Variants in VTI1A observed in about 807,000 individuals in gnomAD.
VTI1A encodes the protein vesicle transport through interaction with t-SNAREs 1A.
A neutral mutation model predicts 34.9 loss-of-function variants in VTI1A; 22 were observed. That is an observed-to-expected ratio of 0.63 (90% CI 0.45 to 0.90). The LOEUF (loss-of-function observed/expected upper bound fraction) is 0.90, where lower values mean the gene tolerates loss of function less well. Among genes scored for constraint, VTI1A ranks in the 40% least tolerant of loss-of-function variants. The probability of loss-of-function intolerance (pLI) is 0.00; values close to 1 mark genes in which losing one functional copy is unlikely to be tolerated. For missense variants in VTI1A, 268 were observed against 275.6 expected (o/e 0.97, Z 0.20); for synonymous variants, 87 against 97.3 (o/e 0.89, Z 0.62).
At chr10:112,520,647 GTA>G (rs35437904) in intron 3 of VTI1A, among the ~76,000 whole-genome samples, 28,790 of 128,314 alleles carry the variant, frequency 0.22, 3,157 homozygotes, top group East Asian at 0.45. Context: ...GTGTGTGTGT[GTA>G]TATATATATA....
chr10:112,559,264 G>A (rs1208161841), intron 5 of VTI1A, among the ~76,000 whole-genome samples: 1 of 152,190 alleles, frequency 6.6e-6, no homozygotes, highest in Non-Finnish European at 1.5e-5. Context: ...CCGTTGTAAA[G>A]AGCAGAGATA....
chr10:112,499,176 A>G (rs1183417403), intron 3 of VTI1A, among the ~76,000 whole-genome samples: 12 of 152,178 alleles, frequency 7.9e-5, no homozygotes, highest in Admixed American at 7.9e-4. Flanking sequence ...ATTGCTTGCA[A>G]TACTATGATA....
rs143639100 is a variant in VTI1A, at chr10:112,814,468, C to T, written c.561-822C>T. 2.8e-3 allele frequency among the ~76,000 whole-genome samples: 425 copies of T among 152,246 alleles called. 1 individual carries two copies. Among genetic ancestry groups the T allele is most frequent in the Middle Eastern group, 0.024 (7 of 294 alleles). ...ATTCTGATGTTCGACCTCTTTTCTC[C>T]GAATGAGGTAACAAATTATGAAACA... is the stretch of plus-strand genomic sequence containing the variant. On this transcript the variant is annotated intron_variant, in intron 7 of 7. Coordinates refer to ENST00000393077, the MANE Select transcript of VTI1A (RefSeq NM_145206.4).
intron 3 of VTI1A, among the ~76,000 whole-genome samples, chr10:112,465,295 T>G (rs935836052): frequency 6.7e-6 from 1 of 150,126 alleles, no homozygotes; most frequent in Non-Finnish European, 1.5e-5. Context: ...AATGTTAAAG[T>G]TGTTAGTAAT....
chr10:112,465,907 A>G (rs1417146073), intron 3 of VTI1A, among the ~76,000 whole-genome samples: 1 of 152,240 alleles, frequency 6.6e-6, no homozygotes, highest in East Asian at 1.9e-4. Flanking sequence ...ATACAGATAA[A>G]AAGTATTTTA....
intron 4 of VTI1A, among the ~76,000 whole-genome samples, chr10:112,534,416 T>C (rs113487501): frequency 5.9e-5 from 9 of 152,290 alleles, no homozygotes; most frequent in Non-Finnish European, 1.3e-4. Flanking sequence ...ATTTAAAAAT[T>C]GTCTAATTGC....
chr10:112,732,687 G>A (rs765482453), intron 7 of VTI1A, among the ~76,000 whole-genome samples: 9 of 152,172 alleles, frequency 5.9e-5, no homozygotes, highest in Non-Finnish European at 7.3e-5. Context: ...CACACTGTGT[G>A]TGGCCTTTAC....
chr10:112,447,445 G>C lies in VTI1A; in HGVS notation c.72G>C (p.Ala24=). 1 of 1,613,634 alleles carries C rather than the reference G, an allele frequency of 6.2e-7. No individual in the cohort carries two copies. The highest frequency in any genetic ancestry group is 1.3e-5 in the African/African-American group (1 of 75,036). The part of the protein sequence containing the change: ...VLTAEITSKI[A]RVPRLPPDEK... ...CTGCAGAGATCACCAGCAAGATTGC[G>C]AGGGTCCCACGACTCCCGCCTGGTG... The change falls in exon 1 of 8, where the codon GCG becomes GCC. Residue 24 remains alanine (A), a synonymous_variant. Coordinates refer to ENST00000393077, the MANE Select transcript of VTI1A (RefSeq NM_145206.4).
intron 3 of VTI1A, among the ~76,000 whole-genome samples, chr10:112,470,425 T>A (rs1019762518): frequency 1.3e-5 from 2 of 152,158 alleles, no homozygotes; most frequent in Admixed American, 1.3e-4. Flanking sequence ...TTTTATACTG[T>A]AGTGCAGAAA....
chr10:112,674,710 A>G (rs962595250), intron 7 of VTI1A, among the ~76,000 whole-genome samples: 2 of 152,192 alleles, frequency 1.3e-5, no homozygotes, highest in South Asian at 2.1e-4. Flanking sequence ...AGGCATCACT[A>G]TCCCCCTTTT....
intron 5 of VTI1A, among the ~76,000 whole-genome samples, chr10:112,569,765 A>G (rs532763403): frequency 5.3e-5 from 8 of 152,352 alleles, no homozygotes; most frequent in African/African-American, 1.7e-4. Flanking sequence ...CTGGGTGCCA[A>G]TGATAATCGA....
intron 7 of VTI1A, among the ~76,000 whole-genome samples, chr10:112,716,518 G>A (rs1480661953): frequency 1.3e-5 from 2 of 152,146 alleles, no homozygotes; most frequent in South Asian, 2.1e-4. Flanking sequence ...CCTGGAGTTG[G>A]TGATACCTGG....
At chr10:112,701,320 C>G (rs908467123) in intron 7 of VTI1A, among the ~76,000 whole-genome samples, 1 of 152,172 alleles carries the variant, frequency 6.6e-6, no homozygotes, top group Non-Finnish European at 1.5e-5. Flanking sequence ...GGATGCCTGA[C>G]TTGTGGATGT....
At chr10:112,803,320 G>A (rs1301268421) in intron 7 of VTI1A, among the ~76,000 whole-genome samples, 2 of 152,282 alleles carry the variant, frequency 1.3e-5, no homozygotes, top group East Asian at 3.9e-4. Context: ...CACCCGCCTT[G>A]GCCTCCCAAA....
rs574276978 is a variant in VTI1A, at chr10:112,553,264, C to G, written c.427+14934C>G. Among the ~76,000 whole-genome samples the G allele has an allele frequency of 1.5e-4, 23 of 152,350 alleles. No individual in the cohort carries two copies. In the East Asian group the frequency reaches 4.2e-3, roughly 28 times the overall value. ...CTGGAGCTTTGCTACGAGACAGACT[C>G]AGGTTCAAATCTTGGTCCTGCCACT... On this transcript the variant is annotated intron_variant, in intron 5 of 7. Coordinates refer to ENST00000393077, the MANE Select transcript of VTI1A (RefSeq NM_145206.4).
intron 6 of VTI1A, among the ~76,000 whole-genome samples, 167 bp downstream of exon 6, chr10:112,668,455 A>G (rs530594622): frequency 4.6e-5 from 7 of 152,274 alleles, no homozygotes; most frequent in African/African-American, 1.7e-4. Flanking sequence ...AGCAAATAGC[A>G]GCTGACTCTA....
At chr10:112,810,790 C>T (rs1246490177) in intron 7 of VTI1A, among the ~76,000 whole-genome samples, 2 of 152,200 alleles carry the variant, frequency 1.3e-5, no homozygotes, top group African/African-American at 4.8e-5. Context: ...AAGCGGATGC[C>T]TGGCTAGGCC....
chr10:112,819,688 T>C (rs1853616399), downstream of VTI1A, among the ~76,000 whole-genome samples: 1 of 152,148 alleles, frequency 6.6e-6, no homozygotes, highest in Non-Finnish European at 1.5e-5. Context: ...ATGGCTCTTC[T>C]TTTCCATGGA....
intron 3 of VTI1A, among the ~76,000 whole-genome samples, chr10:112,466,767 T>C (rs10160176): frequency 0.89 from 136,022 of 152,210 alleles, 61,965 homozygotes; most frequent in African/African-American, 0.97. Context: ...GCTAGGGCTG[T>C]GACAACAAAG....
Sources: allele counts gnomAD v4.1 joint callset (sites outside exome capture counted in the v4.1 genomes callset), GRCh38; gene constraint gnomAD v4.1.1; transcripts MANE v1.5; gene names NCBI Gene and HGNC (gene_info 2026-07-23, HGNC 2026-07-21).